The following DIS3L2 variants were observed in gnomAD, a reference collection of about 807,000 sequenced individuals.
DIS3L2 encodes the protein DIS3-like exonuclease 2.
DIS3L2 carries 34 observed loss-of-function variants against 97.5 expected under a neutral mutation model. The ratio of observed to expected loss-of-function variants is 0.35; its 90% CI spans 0.27 to 0.46. The LOEUF (loss-of-function observed/expected upper bound fraction) is 0.46. Among genes scored for constraint, DIS3L2 ranks in the 20% least tolerant of loss-of-function variants. The pLI is 1.00. For synonymous variants in DIS3L2, 435 were observed against 445.2 expected (o/e 0.98, Z 0.29); for missense variants, 1,038 against 1,146.0 (o/e 0.91, Z 1.36).
At chr2:232,142,799 G>A (rs913677182) in intron 8 of DIS3L2, among the ~76,000 whole-genome samples, 2 of 152,124 alleles carry the variant, frequency 1.3e-5, no homozygotes, top group African/African-American at 4.8e-5. Flanking sequence ...CCAAAGACAA[G>A]TGTATTTGCC....
intron 5 of DIS3L2, among the ~76,000 whole-genome samples, chr2:232,054,022 TGAG>T (rs1462935407): frequency 6.6e-6 from 1 of 152,176 alleles, no homozygotes. Flanking sequence ...TAGCATAAAC[TGAG>T]GTATGTTCGA....
At chr2:232,043,910 T>C (rs1363392769) in intron 5 of DIS3L2, among the ~76,000 whole-genome samples, 1 of 152,224 alleles carries the variant, frequency 6.6e-6, no homozygotes, top group African/African-American at 2.4e-5. Context: ...ATTTCTCTTA[T>C]GTCTTATAGA....
At chr2:232,061,177 G>T (rs1031640189) in intron 5 of DIS3L2, among the ~76,000 whole-genome samples, 1 of 152,068 alleles carries the variant, frequency 6.6e-6, no homozygotes, top group Non-Finnish European at 1.5e-5. Context: ...AGGACTTCCC[G>T]AGCAACTTAT....
chr2:232,234,058 A>G (rs1220956517), intron 10 of DIS3L2, among the ~76,000 whole-genome samples: 1 of 152,162 alleles, frequency 6.6e-6, no homozygotes, highest in Non-Finnish European at 1.5e-5. Flanking sequence ...GCTGTGGCCC[A>G]CTGAGATGAA....
At chr2:232,301,966 A>G (rs962515854) in intron 14 of DIS3L2, among the ~76,000 whole-genome samples, 2 of 151,292 alleles carry the variant, frequency 1.3e-5, no homozygotes, top group African/African-American at 2.4e-5. Flanking sequence ...GGTGTGAGTC[A>G]TCATGCCCAG....
chr2:232,329,677 A>G (rs1468194511), intron 14 of DIS3L2, 136 bp from the exon 15 acceptor site: 2 of 853,960 alleles, frequency 2.3e-6, no homozygotes, highest in South Asian at 2.1e-5. Flanking sequence ...ACATGAGATG[A>G]GGTAGCTGGG....
chr2:232,181,385 T>G (rs947220332), intron 9 of DIS3L2, among the ~76,000 whole-genome samples: 6 of 152,232 alleles, frequency 3.9e-5, no homozygotes, highest in African/African-American at 1.4e-4. Context: ...GAAGTTCTCC[T>G]GGATGATATC....
intron 1 of DIS3L2, among the ~76,000 whole-genome samples, chr2:232,011,493 C>T (rs1162739206): frequency 6.6e-6 from 1 of 151,868 alleles, no homozygotes; most frequent in South Asian, 2.1e-4. Flanking sequence ...GCTGGGAGTA[C>T]AGGCGTGCAC....
In DIS3L2 at chr2:232,276,974, C is replaced by T. The variant is rs1374264537; in HGVS notation, c.1659+13534C>T. On this transcript the variant is annotated intron_variant, in intron 13 of 20. Coordinates refer to ENST00000325385, the MANE Select transcript of DIS3L2 (RefSeq NM_152383.5). The surrounding 1 kb of genome is among the most constrained non-coding windows in gnomAD (Gnocchi z 4.4). ...AGAGCTACTTTAACACAGAGGTGAA[C>T]TTGGAAGGACTACAGTAAACGATGG... 6.6e-6 allele frequency among the ~76,000 whole-genome samples: 1 copy of T among 152,222 alleles called. No homozygotes were observed. The highest frequency in any genetic ancestry group is 2.4e-5 in the African/African-American group (1 of 41,454).
At chr2:231,964,655 G>A (rs1054716533) in intron 1 of DIS3L2, among the ~76,000 whole-genome samples, 1 of 152,202 alleles carries the variant, frequency 6.6e-6, no homozygotes, top group Non-Finnish European at 1.5e-5. Context: ...GGAATAAAAT[G>A]TGGGAGTTTC....
rs563557815 is a variant in DIS3L2, at chr2:232,281,921, A to G, written c.1660-18119A>G. Among the ~76,000 whole-genome samples the G allele has an allele frequency of 1.3e-5, 2 of 151,968 alleles. No homozygotes were observed. Among genetic ancestry groups the G allele is most frequent in the African/African-American group, 4.8e-5 (2 of 41,524 alleles). ...TTGCTCATACCTCCCAAAGTACAGC[A>G]GGAAGGACTAGAAGCAATATGAAAT... On this transcript the variant is annotated intron_variant, in intron 13 of 20. Coordinates refer to ENST00000325385, the MANE Select transcript of DIS3L2 (RefSeq NM_152383.5). This position sits in a 1 kb window ranked among gnomAD's most constrained non-coding sequence, Gnocchi z 4.1.
chr2:232,053,717 A>G (rs560084175), intron 5 of DIS3L2, among the ~76,000 whole-genome samples: 4 of 152,364 alleles, frequency 2.6e-5, no homozygotes, highest in Admixed American at 2.0e-4. Flanking sequence ...GAATAGCCAG[A>G]TGAAGAGGTA....
intron 7 of DIS3L2, chr2:232,131,852 A>G (rs1416590538): frequency 6.6e-6 from 1 of 150,960 alleles, no homozygotes; most frequent in Non-Finnish European, 1.5e-5. Context: ...GGAGATTAGA[A>G]TGAATGGAAA....
intron 10 of DIS3L2, among the ~76,000 whole-genome samples, chr2:232,217,173 G>A (rs1194159415): frequency 6.6e-6 from 1 of 152,162 alleles, no homozygotes; most frequent in South Asian, 2.1e-4. Context: ...AGAGAGGCAA[G>A]ACATAGTTGA....
intron 6 of DIS3L2, among the ~76,000 whole-genome samples, chr2:232,127,826 T>C (rs566562667): frequency 3.3e-5 from 5 of 152,336 alleles, no homozygotes; most frequent in African/African-American, 1.2e-4. Context: ...TCTCTCATTC[T>C]CCTCTTCACT....
intron 5 of DIS3L2, among the ~76,000 whole-genome samples, chr2:232,048,948 A>G (rs1195600502): frequency 6.6e-6 from 1 of 152,188 alleles, no homozygotes; most frequent in Admixed American, 6.5e-5. Flanking sequence ...CAAGCATTTC[A>G]TATTATATAC....
intron 6 of DIS3L2, among the ~76,000 whole-genome samples, chr2:232,119,300 T>C (rs1697822200): frequency 6.6e-6 from 1 of 152,226 alleles, no homozygotes; most frequent in Non-Finnish European, 1.5e-5. Context: ...GCAGTTTTAA[T>C]GGATAACTAG....
At chr2:232,094,318 A>C (rs1018479082) in intron 6 of DIS3L2, among the ~76,000 whole-genome samples, 1 of 152,182 alleles carries the variant, frequency 6.6e-6, no homozygotes. Context: ...TATTCTGTAA[A>C]TATTTATTAG....
chr2:232,013,663 C>A (rs142241248), intron 1 of DIS3L2, among the ~76,000 whole-genome samples: 2 of 152,292 alleles, frequency 1.3e-5, no homozygotes, highest in African/African-American at 4.8e-5. Flanking sequence ...TTCATTCTGT[C>A]TAGTGTAGTG....
Sources: allele counts gnomAD v4.1 joint callset (sites outside exome capture counted in the v4.1 genomes callset), GRCh38; gene constraint gnomAD v4.1.1; non-coding constraint Gnocchi (gnomAD v3.1); transcripts MANE v1.5; gene names NCBI Gene and HGNC (gene_info 2026-07-23, HGNC 2026-07-21).